NANOGNB: variants seen among roughly 807,000 people sequenced by gnomAD.
NANOGNB encodes the protein NANOG neighbor homeobox, also known as homeobox C14.
NANOGNB carries 30 observed loss-of-function variants against 25.0 expected under a neutral mutation model. That is an observed-to-expected ratio of 1.20 (90% CI 0.90 to 1.63). NANOGNB has a LOEUF of 1.63. NANOGNB is among the 40% of genes most tolerant of loss of function. The probability of loss-of-function intolerance (pLI) is 0.00; values close to 1 mark genes in which losing one functional copy is unlikely to be tolerated. For synonymous variants in NANOGNB, 84 were observed against 62.1 expected, an observed-to-expected ratio of 1.35 and a Z score of -1.66; for missense variants, 200 against 188.1, an observed-to-expected ratio of 1.06 and a Z score of -0.37.
At chr12:7,772,914 C>T (rs749658374) in intron 3 of NANOGNB, among the ~76,000 whole-genome samples, 3 of 151,968 alleles carry the variant, frequency 2.0e-5, no homozygotes, top group Non-Finnish European at 4.4e-5. Flanking sequence ...GTATTCCAGG[C>T]CCAGGATCTA....
In NANOGNB at chr12:7,768,096, T is replaced by G. The variant is rs1865261458; in HGVS notation, c.103-1887T>G. ...CTTTTGTGGCTAAATAATAGTCTAT[T>G]GTATAGATATAATACATTTTGTTTA... On this transcript the variant is annotated intron_variant, in intron 1 of 3. Transcript: ENST00000382119. Among the ~76,000 whole-genome samples, 3 of 152,308 alleles carry G rather than the reference T, an allele frequency of 2.0e-5. No individual in the cohort carries two copies. The South Asian group carries it at 6.2e-4, about 32-fold the overall frequency.
At chr12:7,772,479 A>G (rs1477846318) in intron 3 of NANOGNB, among the ~76,000 whole-genome samples, 2 of 150,544 alleles carry the variant, frequency 1.3e-5, no homozygotes, top group East Asian at 3.9e-4. Flanking sequence ...GGGTTTCACC[A>G]TGTTAGCCAG....
At chr12:7,769,282 C>T (rs1211404233) in intron 1 of NANOGNB, among the ~76,000 whole-genome samples, 2 of 152,166 alleles carry the variant, frequency 1.3e-5, no homozygotes, top group East Asian at 3.9e-4. Context: ...GCCTCAGCCT[C>T]CCAAGTAGCT....
At chr12:7,768,493 G>C (rs1414830750) in intron 1 of NANOGNB, among the ~76,000 whole-genome samples, 1 of 151,820 alleles carries the variant, frequency 6.6e-6, no homozygotes, top group East Asian at 1.9e-4. Context: ...CAAACACTAG[G>C]TGCCACTGGC....
intron 1 of NANOGNB, chr12:7,766,139 T>C (rs1371690279): frequency 7.5e-6 from 3 of 398,346 alleles, no homozygotes; most frequent in Non-Finnish European, 1.3e-5. Context: ...TGGAGAGAGA[T>C]CCCGATACTT....
In NANOGNB at chr12:7,765,239, C is replaced by A. The variant is rs1276978348; in HGVS notation, c.-47C>A. The A allele has an allele frequency of 3.9e-6, 5 of 1,287,862 alleles. No homozygotes were observed. The Admixed American group carries it at 1.2e-4, about 30-fold the overall frequency. The allele number at this position is 1,287,862 out of a possible 1,614,324, so 79.8% of individuals were successfully genotyped here. A position where few individuals can be genotyped will look rare whatever the true frequency, so the allele number is the denominator to read the frequency against. ...ACATCTACCTTATCTGGTCGGTCAT[C>A]TCTGTAACCTCCCTACCAAGGACTA... On this transcript the variant is annotated 5_prime_UTR_variant, in exon 1 of 4. Coordinates refer to ENST00000382119, the MANE Select transcript of NANOGNB (RefSeq NM_001145465.1).
intron 3 of NANOGNB, among the ~76,000 whole-genome samples, chr12:7,773,220 T>TC (rs1178786102): frequency 1.3e-5 from 2 of 150,980 alleles, no homozygotes; most frequent in African/African-American, 4.9e-5. Context: ...GCCTCCCGAG[T>TC]AGCTGGGATT....
intron 3 of NANOGNB, among the ~76,000 whole-genome samples, chr12:7,771,886 G>T (rs1862571015): frequency 6.6e-6 from 1 of 152,144 alleles, no homozygotes; most frequent in African/African-American, 2.4e-5. Context: ...CTCCCAAAGT[G>T]CTGGGATTCT....
chr12:7,769,478 A>G lies in NANOGNB; in HGVS notation c.103-505A>G, dbSNP rs1225004828. On this transcript the variant is annotated intron_variant, in intron 1 of 3. Coordinates refer to ENST00000382119, the MANE Select transcript of NANOGNB (RefSeq NM_001145465.1). ...GCTGGAACTACAGGTGCATGCCACC[A>G]CACCCAGCTAATTTTTGTATTTTTA... Among the ~76,000 whole-genome samples the G allele has an allele frequency of 2.0e-5, 3 of 152,184 alleles. No individual in the cohort carries two copies. In the East Asian group the frequency reaches 5.8e-4, roughly 29 times the overall value.
chr12:7,766,497 A>G (rs1865246055), intron 1 of NANOGNB, among the ~76,000 whole-genome samples: 1 of 152,184 alleles, frequency 6.6e-6, no homozygotes, highest in African/African-American at 2.4e-5. Context: ...GCAAACAAAC[A>G]AAACAAAACA....
intron 1 of NANOGNB, among the ~76,000 whole-genome samples, chr12:7,768,389 A>G (rs1865263135): frequency 6.6e-6 from 1 of 152,130 alleles, no homozygotes; most frequent in Non-Finnish European, 1.5e-5. Flanking sequence ...ATTAATCTAT[A>G]GTTTTTTAGG....
intron 1 of NANOGNB, among the ~76,000 whole-genome samples, chr12:7,768,036 T>C (rs1360674631): frequency 6.6e-6 from 1 of 152,178 alleles, no homozygotes; most frequent in Non-Finnish European, 1.5e-5. Flanking sequence ...TTTTCAATAT[T>C]CATCCATGTT....
At chr12:7,772,572 C>CATCTGGGCTCTTTTACCTCTT (rs1244962284) in intron 3 of NANOGNB, among the ~76,000 whole-genome samples, 1 of 136,490 alleles carries the variant, frequency 7.3e-6, no homozygotes, top group Non-Finnish European at 1.5e-5. Flanking sequence ...CCACCGCACC[C>CATCTGGGCTCTTTTACCTCTT]GGCCTTTTTT....
intron 3 of NANOGNB, 129 bp downstream of exon 3, chr12:7,770,647 T>C (rs1865285063): frequency 5.1e-6 from 3 of 589,060 alleles, no homozygotes; most frequent in Non-Finnish European, 8.7e-6. Context: ...AGTTTCGCTC[T>C]TGTTACCCAG....
At chr12:7,767,398 C>G (rs74980643) in intron 1 of NANOGNB, among the ~76,000 whole-genome samples, 2 of 112,034 alleles carry the variant, frequency 1.8e-5, no homozygotes, top group Admixed American at 1.9e-4. Context: ...TTTTTTTTTT[C>G]TAACAAAAGA....
chr12:7,772,002 C>T (rs1048351960), intron 3 of NANOGNB, among the ~76,000 whole-genome samples: 8 of 152,218 alleles, frequency 5.3e-5, no homozygotes, highest in South Asian at 2.1e-4. Flanking sequence ...TTACCAACAC[C>T]GAGGGAATGA....
At position 7,770,121 on chromosome 12, in the gene NANOGNB, A is replaced by G; in HGVS notation, c.241A>G (p.Asn81Asp). The change falls in exon 2 of 4, where the codon AAC (asparagine) becomes GAC (aspartate). Residue 81 changes from asparagine (N) to aspartate (D), a missense_variant. By Grantham distance (23) the Asn-to-Asp change is conservative. Transcript: ENST00000382119. ...RKREREKEEK[N>D]EKELQDEQEN... ...GAGAGAACGAGAAAAAGAAGAAAAA[A>G]ACGAAAAGGAGCTGCAAGATGAACA... 1 of 1,544,762 alleles carries G rather than the reference A, an allele frequency of 6.5e-7. No homozygotes were observed.
intron 3 of NANOGNB, among the ~76,000 whole-genome samples, chr12:7,772,882 T>C (rs1862596241): frequency 6.6e-6 from 1 of 151,982 alleles, no homozygotes; most frequent in African/African-American, 2.4e-5. Flanking sequence ...CCATCTGGGC[T>C]CTTTTACCTC....
chr12:7,765,569 C>CAAAAAAAAAAAAAAAAAAAAAAAAA (rs1187331161), intron 1 of NANOGNB, among the ~76,000 whole-genome samples, 182 bp downstream of exon 1: 10 of 48,654 alleles, frequency 2.1e-4, no homozygotes, highest in Non-Finnish European at 4.0e-4. Context: ...GACTCCGTCT[C>CAAAAAAAAAAAAAAAAAAAAAAAAA]AAAAAAAAAA....
Sources: gnomAD v4.1 joint callset for allele counts (sites outside exome capture counted in the v4.1 genomes callset) on GRCh38, gnomAD v4.1.1 for gene constraint, MANE v1.5 for transcripts, NCBI Gene and HGNC (gene_info 2026-07-23, HGNC 2026-07-21) for gene names.